Variants in SLC22A9 observed in about 807,000 individuals in gnomAD.
SLC22A9 encodes the protein solute carrier family 22 member 9.
A neutral mutation model predicts 50.1 loss-of-function variants in SLC22A9; 64 were observed. The observed-to-expected ratio is 1.28, with a 90% CI of 1.04 to 1.57. The LOEUF is 1.57. Among genes scored for constraint, SLC22A9 ranks in the 40% most tolerant of loss-of-function variants. The probability of loss-of-function intolerance (pLI) is 0.00; values close to 1 mark genes in which losing one functional copy is unlikely to be tolerated. For synonymous variants in SLC22A9, 261 were observed against 242.5 expected, an observed-to-expected ratio of 1.08 and a Z score of -0.71; for missense variants, 757 against 676.1, an observed-to-expected ratio of 1.12 and a Z score of -1.33.
rs147323107 is a variant in SLC22A9 at position 63,408,207 on chromosome 11, C to A, written c.1384C>A (p.Pro462Thr). The A allele has an allele frequency of 5.6e-4, 909 of 1,613,344 alleles. 5 individuals are homozygous for A. In the African/African-American group the frequency reaches 0.011, roughly 20 times the overall value. Reference protein sequence around the residue: ...LAFAHGNEVIPTIIRARAMGI... With the variant: ...LAFAHGNEVITTIIRARAMGI... The stretch of plus-strand genomic sequence containing the variant: ...TTTTGCCCATGGAAATGAAGTAATT[C>A]CCACCATAATCAGGTACAGAACCTT... Residue 462 changes from proline to threonine, a missense_variant, in exon 8 of 10, where the codon CCC becomes ACC. By Grantham distance (38) the Pro-to-Thr change is conservative. Coordinates refer to ENST00000279178, the MANE Select transcript of SLC22A9 (RefSeq NM_080866.3).
intron 6 of SLC22A9, among the ~76,000 whole-genome samples, chr11:63,391,184 C>T (rs554033897): frequency 6.6e-6 from 1 of 152,034 alleles, no homozygotes; most frequent in East Asian, 1.9e-4. Flanking sequence ...AGATAAGACA[C>T]TTAATATAAT....
chr11:63,401,937 C>A (rs765435138), intron 6 of SLC22A9, among the ~76,000 whole-genome samples: 27 of 152,184 alleles, frequency 1.8e-4, no homozygotes, highest in Admixed American at 3.3e-4. Context: ...GTCCTTTGCC[C>A]ATTTTTAATG....
At position 63,408,822 on chromosome 11, in the gene SLC22A9, T is replaced by G. The variant is rs149660130; in HGVS notation, c.1544T>G (p.Leu515Arg). The G allele has an allele frequency of 8.7e-5, 140 of 1,613,786 alleles. 1 individual carries two copies. Among genetic ancestry groups the G allele is most frequent in the Middle Eastern group, 3.3e-4 (2 of 6,078 alleles). ...TTCATCTCTGGCTTTGCTTTCCTCC[T>G]CCTTCCTGAAACCAGGAACAAGCCT... ...FPFISGFAFLLLPETRNKPLF... is the reference protein window; with the variant it reads ...FPFISGFAFLRLPETRNKPLF... Residue 515 changes from leucine to arginine, a missense_variant, in exon 9 of 10, where the codon CTC becomes CGC. Transcript: ENST00000279178.
chr11:63,379,673 A>G (rs1256434702), intron 5 of SLC22A9, among the ~76,000 whole-genome samples: 1 of 152,210 alleles, frequency 6.6e-6, no homozygotes. Flanking sequence ...ACAAATTAAA[A>G]AAGAACAGAC....
intron 5 of SLC22A9, among the ~76,000 whole-genome samples, chr11:63,378,725 A>G (rs1227811254): frequency 6.6e-6 from 1 of 152,312 alleles, no homozygotes; most frequent in East Asian, 1.9e-4. Flanking sequence ...ATACGCTGAC[A>G]TCGTTAAAGC....
intron 4 of SLC22A9, among the ~76,000 whole-genome samples, chr11:63,374,346 T>C (rs1299049909): frequency 1.3e-5 from 2 of 152,164 alleles, no homozygotes; most frequent in African/African-American, 4.8e-5. Context: ...TTATTGTTTA[T>C]ATGAAATTTC....
intron 5 of SLC22A9, 108 bp downstream of exon 5, chr11:63,375,876 T>A (rs2014453274): frequency 1.4e-6 from 2 of 1,405,602 alleles, no homozygotes; most frequent in Non-Finnish European, 1.9e-6. Flanking sequence ...AACACAGGTA[T>A]GGTTATGGGC....
At chr11:63,397,747 G>T (rs1037535838) in intron 6 of SLC22A9, among the ~76,000 whole-genome samples, 4 of 152,082 alleles carry the variant, frequency 2.6e-5, no homozygotes, top group Non-Finnish European at 5.9e-5. Flanking sequence ...TGTGAATGCT[G>T]CTTCCAGGCC....
rs780353419 is a variant in SLC22A9 at position 63,382,167 on chromosome 11, A to G, written c.963A>G (p.Lys321=). ...ARDTLTLEIL[K]STMKKELEAA... ...TTCTGCTATTGTTGAAGATTTTGAA[A>G]TCCACCATGAAAAAAGAACTGGAGG... Residue 321 remains lysine (K), a synonymous_variant, in exon 6 of 10, where the codon AAA becomes AAG. Transcript: ENST00000279178. The G allele has an allele frequency of 3.1e-6, 5 of 1,604,206 alleles. No homozygotes were observed. The East Asian group carries it at 8.9e-5, about 29-fold the overall frequency.
At chr11:63,408,243 T>C in intron 8 of SLC22A9, 23 bp downstream of exon 8, 1 of 1,580,468 alleles carries the variant, frequency 6.3e-7, no homozygotes. Flanking sequence ...AAGTATGCCC[T>C]GTCAGGTTCA....
chr11:63,406,314 C>A (rs1199720072), intron 6 of SLC22A9, among the ~76,000 whole-genome samples, 183 bp from the exon 7 acceptor site: 2 of 152,110 alleles, frequency 1.3e-5, no homozygotes, highest in Non-Finnish European at 2.9e-5. Flanking sequence ...ACAAATAGTT[C>A]CATAATGTTA....
At position 63,375,756 on chromosome 11, in the gene SLC22A9, C is replaced by T. The variant is rs1449220455; in HGVS notation, c.942C>T (p.Thr314=). 6.2e-7 allele frequency: 1 copy of T among 1,611,842 alleles called. No homozygotes were observed. Among genetic ancestry groups the T allele is most frequent in the Non-Finnish European group, 8.5e-7 (1 of 1,178,582 alleles). ...HRSGMKNARD[T]LTLEILKSTM... ...GTGGAATGAAGAATGCCAGAGACACCCTAACCCTGGAGGTGAGCTGGATGG... is the reference window on the plus strand; with the variant it reads ...GTGGAATGAAGAATGCCAGAGACACTCTAACCCTGGAGGTGAGCTGGATGG... The change falls in exon 5 of 10, where the codon ACC becomes ACT. Residue 314 remains threonine (T), a synonymous_variant. Coordinates refer to ENST00000279178, the MANE Select transcript of SLC22A9 (RefSeq NM_080866.3).
intron 7 of SLC22A9, 96 bp from the exon 8 acceptor site, chr11:63,408,016 C>A (rs1565191129): frequency 3.2e-6 from 3 of 944,614 alleles, no homozygotes; most frequent in African/African-American, 1.6e-5. Flanking sequence ...TTAACCCTTG[C>A]AAACACCTCC....
chr11:63,409,739 C>T, intron 9 of SLC22A9, 63 bp from the exon 10 acceptor site: 12 of 1,506,574 alleles, frequency 8.0e-6, no homozygotes, highest in Non-Finnish European at 4.6e-6. Flanking sequence ...GCGGGACTTA[C>T]ATGTTTAGTC....
At chr11:63,379,122 C>T (rs539278988) in intron 5 of SLC22A9, among the ~76,000 whole-genome samples, 1 of 152,260 alleles carries the variant, frequency 6.6e-6, no homozygotes, top group East Asian at 1.9e-4. Flanking sequence ...TTGAACCATA[C>T]TACGAGAACA....
chr11:63,408,943 C>T, intron 9 of SLC22A9, 64 bp downstream of exon 9: 1 of 1,539,396 alleles, frequency 6.5e-7, no homozygotes, highest in Non-Finnish European at 9.0e-7. Flanking sequence ...CTGAGGAAGG[C>T]AAAATACCAT....
rs548449244 is a variant in SLC22A9, at chr11:63,389,572, A to G, written c.1073+7295A>G. ...TATGTGTGCCACATTTTCTTTATCCAGTCTATCACTGATGGGCATTTGGGT... is the reference window on the plus strand; with the variant it reads ...TATGTGTGCCACATTTTCTTTATCCGGTCTATCACTGATGGGCATTTGGGT... On this transcript the variant is annotated intron_variant, in intron 6 of 9. Coordinates refer to ENST00000279178, the MANE Select transcript of SLC22A9 (RefSeq NM_080866.3). Among the ~76,000 whole-genome samples, 90 of 152,272 alleles carry G rather than the reference A, an allele frequency of 5.9e-4. 1 individual carries two copies. Among genetic ancestry groups the G allele is most frequent in the African/African-American group, 2.0e-3 (85 of 41,560 alleles).
chr11:63,406,489 C>G lies in SLC22A9; in HGVS notation c.1074-8C>G, dbSNP rs1253987599. On this transcript the variant is annotated splice_region_variant and splice_polypyrimidine_tract_variant and intron_variant, in intron 6 of 9. Coordinates refer to ENST00000279178, the MANE Select transcript of SLC22A9 (RefSeq NM_080866.3). ...ATAATATGTTTCTTTCCTTTTTAATCATCACAGATTTGCAAACTTTATGGC... is the reference window on the plus strand; with the variant it reads ...ATAATATGTTTCTTTCCTTTTTAATGATCACAGATTTGCAAACTTTATGGC... 6.2e-7 allele frequency: 1 copy of G among 1,610,012 alleles called. No individual in the cohort carries two copies. Among genetic ancestry groups the G allele is most frequent in the Admixed American group, 1.7e-5 (1 of 59,884 alleles).
rs1264153068 is a variant in SLC22A9, at chr11:63,404,989, G to A, written c.1074-1508G>A. ...GAGAGAATAATGAATTGGGAGGGCA[G>A]TGTTCTGTCCCCATGTCAGATGAGG... is the stretch of plus-strand genomic sequence containing the variant. On this transcript the variant is annotated intron_variant, in intron 6 of 9. Coordinates refer to ENST00000279178, the MANE Select transcript of SLC22A9 (RefSeq NM_080866.3). Among the ~76,000 whole-genome samples the A allele has an allele frequency of 3.9e-5, 6 of 152,250 alleles. No homozygotes were observed. In the South Asian group the frequency reaches 1.2e-3, roughly 32 times the overall value.
Sources: allele counts gnomAD v4.1 joint callset (sites outside exome capture counted in the v4.1 genomes callset), GRCh38; gene constraint gnomAD v4.1.1; transcripts MANE v1.5; gene names NCBI Gene and HGNC (gene_info 2026-07-23, HGNC 2026-07-21).